SNX6: variants seen among roughly 807,000 people sequenced by gnomAD.
SNX6 encodes sorting nexin 6.
In SNX6, 34 loss-of-function variants were observed where a neutral mutation model predicts 63.0. The observed-to-expected ratio is 0.54, with a 90% CI of 0.41 to 0.72. SNX6 has a LOEUF of 0.72. Ranked by LOEUF, SNX6 falls within the 30% of genes least tolerant of loss-of-function variation. SNX6 has a pLI of 0.00. For missense variants in SNX6, 398 were observed against 471.4 expected, an observed-to-expected ratio of 0.84 and a Z score of 1.44; for synonymous variants, 170 against 164.2, an observed-to-expected ratio of 1.04 and a Z score of -0.27.
intron 2 of SNX6, among the ~76,000 whole-genome samples, chr14:34,612,147 C>T (rs946951196): frequency 6.6e-6 from 1 of 151,844 alleles, no homozygotes; most frequent in Non-Finnish European, 1.5e-5. Context: ...CGCTATGTCA[C>T]CCAGGCTGGT....
chr14:34,598,847 G>C (rs1566481114), intron 6 of SNX6, among the ~76,000 whole-genome samples: 1 of 152,164 alleles, frequency 6.6e-6, no homozygotes, highest in Non-Finnish European at 1.5e-5. Flanking sequence ...CTGCACCTGT[G>C]AATAGCCACT....
chr14:34,564,274 C>T (rs1428565955), intron 13 of SNX6, among the ~76,000 whole-genome samples: 3 of 151,878 alleles, frequency 2.0e-5, no homozygotes, highest in Non-Finnish European at 4.4e-5. Context: ...GTGATCTGCC[C>T]GCCTTGGCCT....
At chr14:34,585,861 G>A (rs1882129298) in intron 9 of SNX6, among the ~76,000 whole-genome samples, 1 of 151,642 alleles carries the variant, frequency 6.6e-6, no homozygotes, top group Non-Finnish European at 1.5e-5. Flanking sequence ...CAAAGTGCTG[G>A]GATTACAGGC....
chr14:34,599,102 C>G (rs930066289), intron 6 of SNX6, among the ~76,000 whole-genome samples: 2 of 152,156 alleles, frequency 1.3e-5, no homozygotes, highest in African/African-American at 4.8e-5. Flanking sequence ...CTTGGGCTTC[C>G]CATTCTCCAG....
chr14:34,615,622 T>C (rs1383237682), intron 2 of SNX6, among the ~76,000 whole-genome samples: 1 of 152,186 alleles, frequency 6.6e-6, no homozygotes, highest in Non-Finnish European at 1.5e-5. Flanking sequence ...TTTTCTTTTT[T>C]TTTCCCCTTG....
At chr14:34,629,060 T>TG (rs776764379) in intron 2 of SNX6, among the ~76,000 whole-genome samples, 5 of 150,348 alleles carry the variant, frequency 3.3e-5, no homozygotes, top group Non-Finnish European at 7.4e-5. Context: ...AGTGTGTATG[T>TG]GGGGGGTGAG....
At chr14:34,574,890 TTTATTA>T (rs1013995635) in intron 11 of SNX6, among the ~76,000 whole-genome samples, 1 of 151,762 alleles carries the variant, frequency 6.6e-6, no homozygotes, top group African/African-American at 2.4e-5. Context: ...TTTGTTTTTA[TTTATTA>T]TTATTATTTT....
chr14:34,623,023 C>G (rs1043859881), intron 2 of SNX6, among the ~76,000 whole-genome samples: 3 of 152,158 alleles, frequency 2.0e-5, no homozygotes, highest in Non-Finnish European at 4.4e-5. Flanking sequence ...TTACTTTGTA[C>G]TCCCATACAC....
chr14:34,609,859 G>A, intron 2 of SNX6, 117 bp from the exon 3 acceptor site: 1 of 668,410 alleles, frequency 1.5e-6, no homozygotes, highest in Non-Finnish European at 2.6e-6. Flanking sequence ...GTCTAAAGAG[G>A]TACTCATGTC....
chr14:34,575,556 T>G (rs1881659593), intron 11 of SNX6, 200 bp downstream of exon 11: 2 of 252,002 alleles, frequency 7.9e-6, no homozygotes, highest in Admixed American at 5.5e-5. Context: ...AAGAGGAAAC[T>G]TTTATGTAGG....
At chr14:34,617,607 CAAAAAAAAAAAAAA>C (rs34716944) in intron 2 of SNX6, among the ~76,000 whole-genome samples, 1 of 66,900 alleles carries the variant, frequency 1.5e-5, no homozygotes, top group Non-Finnish European at 3.0e-5. Context: ...GACCCTGTCT[CAAAAAAAAAAAAAA>C]AAAAAAAAAA....
intron 8 of SNX6, among the ~76,000 whole-genome samples, chr14:34,587,798 A>T (rs1366622475): frequency 9.3e-6 from 1 of 107,060 alleles, no homozygotes; most frequent in Non-Finnish European, 1.9e-5. Flanking sequence ...CGGTTGGCTA[A>T]TTTTTTTTTT....
intron 8 of SNX6, among the ~76,000 whole-genome samples, chr14:34,591,166 C>A (rs1234480399): frequency 6.6e-6 from 1 of 151,808 alleles, no homozygotes; most frequent in African/African-American, 2.4e-5. Context: ...CATGCCAAAA[C>A]TTACCAAATT....
chr14:34,612,021 C>T lies in SNX6; in HGVS notation c.55-2279G>A, dbSNP rs533721351. On this transcript the variant is annotated intron_variant, in intron 2 of 13. Coordinates refer to ENST00000362031, the MANE Select transcript of SNX6 (RefSeq NM_152233.4). Reference sequence around the variant, plus strand: ...GTCTCGATCTCCTGACCTCGTGATACGCCCGCCTCGGCCTCCCAAAGTGCT... The same window carrying T: ...GTCTCGATCTCCTGACCTCGTGATATGCCCGCCTCGGCCTCCCAAAGTGCT... 3.1e-4 allele frequency among the ~76,000 whole-genome samples: 47 copies of T among 152,272 alleles called. No individual in the cohort carries two copies. The South Asian group carries it at 5.6e-3, about 18-fold the overall frequency.
Position 34,575,908 on chromosome 14 carries a change from T to G in SNX6, c.835-66A>C, listed in dbSNP as rs962118841. 10 of 974,198 alleles carry G rather than the reference T, an allele frequency of 1.0e-5. No individual in the cohort carries two copies. The African/African-American group carries it at 1.5e-4, about 15-fold the overall frequency. 60.3% of individuals were successfully genotyped at this position (974,198 alleles called of 1,614,324 possible). A position where few individuals can be genotyped will look rare whatever the true frequency, so the allele number is the denominator to read the frequency against. Reference sequence around the variant, plus strand: ...CATTCTCCTCTCAGTGGTTTCCTTCTTTTTGTTGTTGTTGTTTTTTTGTTT... The same window carrying G: ...CATTCTCCTCTCAGTGGTTTCCTTCGTTTTGTTGTTGTTGTTTTTTTGTTT... On this transcript the variant is annotated intron_variant, in intron 10 of 13. Coordinates refer to ENST00000362031, the MANE Select transcript of SNX6 (RefSeq NM_152233.4).
At chr14:34,573,700 G>A (rs537408727) in intron 11 of SNX6, among the ~76,000 whole-genome samples, 5 of 151,590 alleles carry the variant, frequency 3.3e-5, no homozygotes, top group South Asian at 4.2e-4. Context: ...ATGCAATGGC[G>A]CGGTCTCGGC....
At chr14:34,590,204 A>C (rs952479191) in intron 8 of SNX6, among the ~76,000 whole-genome samples, 23 of 151,994 alleles carry the variant, frequency 1.5e-4, no homozygotes, top group African/African-American at 5.1e-4. Flanking sequence ...TGAGGTGGGC[A>C]GATTACGAGG....
chr14:34,622,715 A>T (rs2138387001), intron 2 of SNX6, among the ~76,000 whole-genome samples: 1 of 152,256 alleles, frequency 6.6e-6, no homozygotes, highest in East Asian at 1.9e-4. Flanking sequence ...CCAAATTACC[A>T]ACACATGCCA....
chr14:34,618,010 G>C (rs1414867301), intron 2 of SNX6, among the ~76,000 whole-genome samples: 2 of 151,860 alleles, frequency 1.3e-5, no homozygotes, highest in African/African-American at 4.8e-5. Context: ...ACATCCCTAA[G>C]ACGTCAGTTG....
Sources: gnomAD v4.1 joint callset for allele counts (sites outside exome capture counted in the v4.1 genomes callset) on GRCh38, gnomAD v4.1.1 for gene constraint, MANE v1.5 for transcripts, NCBI Gene and HGNC (gene_info 2026-07-23, HGNC 2026-07-21) for gene names.